The following ACTR2 variants were observed in gnomAD, a reference collection of about 807,000 sequenced individuals.
ACTR2 encodes the protein actin-related protein 2.
In ACTR2, 5 loss-of-function variants were observed where a neutral mutation model predicts 50.2. The ratio of observed to expected loss-of-function variants is 0.10; its 90% CI spans 0.05 to 0.21. ACTR2 has a LOEUF of 0.21. ACTR2 is among the 10% of genes least tolerant of loss of function. ACTR2 has a pLI of 1.00. For missense variants in ACTR2, 180 were observed against 480.6 expected (o/e 0.37, Z 5.85); for synonymous variants, 140 against 162.9 (o/e 0.86, Z 1.07).
chr2:65,242,160 G>C (rs1406821018), intron 2 of ACTR2: 1 of 818,872 alleles, frequency 1.2e-6, no homozygotes, highest in African/African-American at 1.7e-5. Context: ...GGGAGGGGGG[G>C]TTATTTCCAT....
chr2:65,252,226 T>A (rs927487895), intron 4 of ACTR2, among the ~76,000 whole-genome samples: 1 of 151,834 alleles, frequency 6.6e-6, no homozygotes, highest in Non-Finnish European at 1.5e-5. Context: ...TGTGAATTCC[T>A]CCTTTTTTTT....
In ACTR2 at chr2:65,235,697, A is replaced by G. The variant is rs572053899; in HGVS notation, c.49-4155A>G. Among the ~76,000 whole-genome samples, 117 of 151,862 alleles carry G rather than the reference A, an allele frequency of 7.7e-4. No homozygotes were observed. The South Asian group carries it at 0.01, about 13-fold the overall frequency. On this transcript the variant is annotated intron_variant, in intron 1 of 8. Transcript: ENST00000260641. ...TTGAACCCAGGAGGCAGAGGTTGCA[A>G]TGAGCCGAGATCACGCCACTGCACT... is the stretch of plus-strand genomic sequence containing the variant.
intron 1 of ACTR2, among the ~76,000 whole-genome samples, chr2:65,233,256 A>G (rs1671673713): frequency 6.6e-6 from 1 of 151,938 alleles, no homozygotes; most frequent in Non-Finnish European, 1.5e-5. Flanking sequence ...CAGCCTCCCA[A>G]AGTGCTGGGA....
chr2:65,264,530 G>A (rs1161206474), intron 7 of ACTR2, among the ~76,000 whole-genome samples: 1 of 152,138 alleles, frequency 6.6e-6, no homozygotes, highest in Non-Finnish European at 1.5e-5. Flanking sequence ...TCAGTAGATA[G>A]CAGGGTACTG....
At chr2:65,234,868 C>T (rs1385596656) in intron 1 of ACTR2, among the ~76,000 whole-genome samples, 3 of 152,114 alleles carry the variant, frequency 2.0e-5, no homozygotes, top group Non-Finnish European at 2.9e-5. Flanking sequence ...ATAATTTATA[C>T]GCATATAAGT....
chr2:65,261,950 T>A (rs1001489369), intron 7 of ACTR2, among the ~76,000 whole-genome samples: 3 of 152,226 alleles, frequency 2.0e-5, no homozygotes, highest in African/African-American at 7.2e-5. Context: ...TGAAGTGATA[T>A]CTCATTGTGG....
chr2:65,230,779 C>T (rs867746735), intron 1 of ACTR2, among the ~76,000 whole-genome samples: 7 of 151,838 alleles, frequency 4.6e-5, no homozygotes, highest in South Asian at 2.1e-4. Flanking sequence ...TTAGGCTGGG[C>T]GTTGTGGCTC....
intron 7 of ACTR2, among the ~76,000 whole-genome samples, chr2:65,262,895 G>C (rs1672297052): frequency 6.6e-6 from 1 of 151,940 alleles, no homozygotes. Flanking sequence ...GAGCTTGAGA[G>C]GTAGAGGCTG....
At chr2:65,235,799 T>C (rs1671729838) in intron 1 of ACTR2, among the ~76,000 whole-genome samples, 1 of 152,136 alleles carries the variant, frequency 6.6e-6, no homozygotes, top group East Asian at 1.9e-4. Flanking sequence ...ATTATACTTT[T>C]AGAAATGGAT....
intron 1 of ACTR2, among the ~76,000 whole-genome samples, chr2:65,237,550 C>G (rs962345707): frequency 6.6e-6 from 1 of 152,070 alleles, no homozygotes; most frequent in African/African-American, 2.4e-5. Flanking sequence ...CGTAAACAGA[C>G]TATACAAGAA....
chr2:65,239,331 G>A (rs1431007934), intron 1 of ACTR2, among the ~76,000 whole-genome samples: 2 of 152,204 alleles, frequency 1.3e-5, no homozygotes, highest in Non-Finnish European at 2.9e-5. Context: ...GCGCATGCCT[G>A]TAATCCCAGC....
chr2:65,268,004 T>C (rs1672415040), intron 8 of ACTR2, among the ~76,000 whole-genome samples: 1 of 147,788 alleles, frequency 6.8e-6, no homozygotes, highest in African/African-American at 2.4e-5. Flanking sequence ...GCCCGGCTAA[T>C]TTTTTTGTAT....
At chr2:65,243,071 G>A (rs963868585) in intron 2 of ACTR2, among the ~76,000 whole-genome samples, 1 of 152,086 alleles carries the variant, frequency 6.6e-6, no homozygotes, top group Non-Finnish European at 1.5e-5. Context: ...ACGAGGTCAC[G>A]AGTTCAAGAC....
In ACTR2 at chr2:65,253,984, A is replaced by T. The variant is rs544712156; in HGVS notation, c.585+120A>T. 7.1e-6 allele frequency: 5 copies of T among 708,392 alleles called. No individual in the cohort carries two copies. The East Asian group carries it at 1.4e-4, about 20-fold the overall frequency. 43.9% of individuals were successfully genotyped at this position (708,392 alleles called of 1,614,324 possible). A position where few individuals can be genotyped will look rare whatever the true frequency, so the allele number is the denominator to read the frequency against. The stretch of plus-strand genomic sequence containing the variant: ...TCTGTACCACTAGAGAAATTATCCA[A>T]TTACCTCCCTTATTTATATAAAAAT... On this transcript the variant is annotated intron_variant, in intron 5 of 8. Coordinates refer to ENST00000260641, the MANE Select transcript of ACTR2 (RefSeq NM_005722.4).
chr2:65,263,883 G>A (rs191491639), intron 7 of ACTR2, among the ~76,000 whole-genome samples: 73 of 152,110 alleles, frequency 4.8e-4, no homozygotes, highest in East Asian at 3.7e-3. Context: ...GTGAAACCCC[G>A]TCTCTACTAA....
intron 3 of ACTR2, among the ~76,000 whole-genome samples, 175 bp downstream of exon 3, chr2:65,246,914 G>A (rs1671948186): frequency 6.6e-6 from 1 of 151,998 alleles, no homozygotes; most frequent in Non-Finnish European, 1.5e-5. Flanking sequence ...GGATAGATCA[G>A]TAAACAAAAA....
chr2:65,267,297 C>G (rs1335910934), intron 8 of ACTR2, among the ~76,000 whole-genome samples: 1 of 152,100 alleles, frequency 6.6e-6, no homozygotes, highest in Non-Finnish European at 1.5e-5. Context: ...CTTGTCACGC[C>G]TACAAAGCCT....
chr2:65,268,191 CA>C (rs1460215419), intron 8 of ACTR2, among the ~76,000 whole-genome samples: 1 of 152,108 alleles, frequency 6.6e-6, no homozygotes, highest in Non-Finnish European at 1.5e-5. Flanking sequence ...CCCAAGTGGT[CA>C]TCTGCCATTG....
intron 6 of ACTR2, 93 bp downstream of exon 6, chr2:65,255,787 T>G: frequency 8.1e-7 from 1 of 1,231,620 alleles, no homozygotes; most frequent in Middle Eastern, 2.0e-4. Flanking sequence ...AGAATCAGTA[T>G]TTTTGTCTTG....
Sources: gnomAD v4.1 joint callset for allele counts (sites outside exome capture counted in the v4.1 genomes callset) on GRCh38, gnomAD v4.1.1 for gene constraint, MANE v1.5 for transcripts, NCBI Gene and HGNC (gene_info 2026-07-23, HGNC 2026-07-21) for gene names.